Variants in PRORP observed in about 807,000 individuals in gnomAD.
The protein encoded by PRORP is mitochondrial ribonuclease P catalytic subunit.
Under a neutral mutation model 59.4 loss-of-function variants are expected in PRORP, and 51 were observed. The ratio of observed to expected loss-of-function variants is 0.86; its 90% CI spans 0.69 to 1.08. The LOEUF (loss-of-function observed/expected upper bound fraction) is 1.08, where lower values mean the gene tolerates loss of function less well. Among genes scored for constraint, PRORP ranks in the 50% least tolerant of loss-of-function variants. PRORP has a pLI of 0.00. For synonymous variants in PRORP, 231 were observed against 245.6 expected, an observed-to-expected ratio of 0.94 and a Z score of 0.55; for missense variants, 646 against 690.3, an observed-to-expected ratio of 0.94 and a Z score of 0.72.
chr14:35,172,572 TGA>T (rs2139001593), intron 4 of PRORP, among the ~76,000 whole-genome samples: 1 of 143,254 alleles, frequency 7.0e-6, no homozygotes, highest in South Asian at 2.3e-4. Context: ...CTTTCTTTTC[TGA>T]GAGTCTCGTT....
At chr14:35,241,725 T>C (rs553220702) in intron 5 of PRORP, among the ~76,000 whole-genome samples, 2 of 152,244 alleles carry the variant, frequency 1.3e-5, no homozygotes, top group Admixed American at 6.5e-5. Context: ...GACTCACCTC[T>C]CCTCAGCTTT....
At chr14:35,195,491 G>A (rs1595284799) in intron 5 of PRORP, among the ~76,000 whole-genome samples, 2 of 152,134 alleles carry the variant, frequency 1.3e-5, no homozygotes, top group East Asian at 3.9e-4. Context: ...AAAAAGCCTG[G>A]AAGTAGAAAT....
chr14:35,199,131 G>A (rs1009657967), intron 5 of PRORP, among the ~76,000 whole-genome samples: 4 of 151,852 alleles, frequency 2.6e-5, no homozygotes, highest in African/African-American at 9.7e-5. Context: ...TCGTGCCATT[G>A]CACTCCAGCC....
chr14:35,212,018 C>T (rs553420988), intron 5 of PRORP, among the ~76,000 whole-genome samples: 4 of 152,294 alleles, frequency 2.6e-5, no homozygotes, highest in South Asian at 2.1e-4. Flanking sequence ...ATTTCAACAA[C>T]GTTCACAGCA....
intron 5 of PRORP, among the ~76,000 whole-genome samples, chr14:35,186,404 T>C (rs4982245): frequency 0.059 from 8,933 of 151,796 alleles, 477 homozygotes; most frequent in Admixed American, 0.17. Flanking sequence ...TTCACCCTTT[T>C]AAAGTGCACA....
chr14:35,235,328 G>A (rs1306861479), intron 5 of PRORP: 6 of 698,476 alleles, frequency 8.6e-6, no homozygotes, highest in Admixed American at 1.8e-5. Context: ...CACCAGCTTA[G>A]CCAAAGTGTC....
intron 5 of PRORP, among the ~76,000 whole-genome samples, chr14:35,199,589 G>A (rs2049097461): frequency 6.6e-6 from 1 of 152,102 alleles, no homozygotes; most frequent in African/African-American, 2.4e-5. Context: ...TGTTCAAGGT[G>A]CCATCTTGGA....
chr14:35,150,103 C>T (rs1285922190), intron 4 of PRORP, among the ~76,000 whole-genome samples: 3 of 152,214 alleles, frequency 2.0e-5, no homozygotes, highest in Admixed American at 6.5e-5. Context: ...GCCTCGGCCT[C>T]CCAAAATGTT....
In PRORP at chr14:35,143,750, C is replaced by T. The variant is rs190829042; in HGVS notation, c.1167+16139C>T. The stretch of plus-strand genomic sequence containing the variant: ...GCAACCTCCGCCTCCGAGGTTCAAG[C>T]GATTCTCCTGCCTCAGCCTTCCCAA... On this transcript the variant is annotated intron_variant, in intron 4 of 7. Transcript: ENST00000534898. 1.4e-5 allele frequency among the ~76,000 whole-genome samples: 2 copies of T among 145,004 alleles called. 1 individual carries two copies. The highest frequency in any genetic ancestry group is 4.7e-4 in the East Asian group (2 of 4,278).
At chr14:35,229,277 T>G (rs1274098177) in intron 5 of PRORP, among the ~76,000 whole-genome samples, 2 of 152,222 alleles carry the variant, frequency 1.3e-5, no homozygotes, top group East Asian at 3.8e-4. Context: ...TCTTTTGTTG[T>G]GCAGAAGCTC....
At chr14:35,217,891 T>G (rs552220106) in intron 5 of PRORP, among the ~76,000 whole-genome samples, 3 of 152,286 alleles carry the variant, frequency 2.0e-5, no homozygotes, top group African/African-American at 7.2e-5. Flanking sequence ...CCTCCAATTT[T>G]GTTCCTTTTC....
chr14:35,207,296 C>G (rs1205593553), intron 5 of PRORP, among the ~76,000 whole-genome samples: 2 of 152,132 alleles, frequency 1.3e-5, no homozygotes, highest in African/African-American at 4.8e-5. Flanking sequence ...ATAAAAAGAC[C>G]TTACAATTCT....
rs1044950652 is a variant in PRORP, at chr14:35,123,320, G to T, written c.75G>T (p.Gly25=). The change falls in exon 2 of 8, where the codon GGG becomes GGT. Residue 25 remains glycine, a synonymous_variant. Transcript: ENST00000534898. ...WKSPYLGLGP[G]HSYVSLFLAD... ...GCCCATACCTTGGGCTAGGCCCAGG[G>T]CACTCTTATGTCTCGCTGTTTCTGG... 4 of 1,613,760 alleles carry T rather than the reference G, an allele frequency of 2.5e-6. No homozygotes were observed. The highest frequency in any genetic ancestry group is 2.2e-5 in the East Asian group (1 of 44,894).
chr14:35,233,695 A>G (rs563245113), intron 5 of PRORP, among the ~76,000 whole-genome samples: 3 of 151,976 alleles, frequency 2.0e-5, no homozygotes, highest in Non-Finnish European at 4.4e-5. Context: ...GTAGTTCTCT[A>G]ATTTTTTTCG....
At chr14:35,212,090 C>G (rs1034374358) in intron 5 of PRORP, among the ~76,000 whole-genome samples, 3 of 152,204 alleles carry the variant, frequency 2.0e-5, no homozygotes, top group Admixed American at 2.0e-4. Flanking sequence ...TTCTCCATAA[C>G]AAGCAACTCC....
chr14:35,185,115 G>T (rs550709089), intron 5 of PRORP, among the ~76,000 whole-genome samples: 1 of 152,060 alleles, frequency 6.6e-6, no homozygotes, highest in African/African-American at 2.4e-5. Context: ...TTCCACAATG[G>T]TTAAACTCAT....
At chr14:35,143,815 A>ATTT (rs1402726853) in intron 4 of PRORP, among the ~76,000 whole-genome samples, 2 of 143,930 alleles carry the variant, frequency 1.4e-5, no homozygotes, top group Non-Finnish European at 3.1e-5. Context: ...AGCCTGGCTA[A>ATTT]TTTTGTATTT....
At position 35,277,487 on chromosome 14, in the gene PRORP, G is replaced by C. The variant is rs1489979497; in HGVS notation, c.*3921G>C. The C allele has an allele frequency of 6.6e-6, 1 of 152,186 alleles. No individual in the cohort carries two copies. Among genetic ancestry groups the C allele is most frequent in the Non-Finnish European group, 1.5e-5 (1 of 68,046 alleles). 9.4% of individuals were successfully genotyped at this position (152,186 alleles called of 1,614,324 possible). A position where few individuals can be genotyped will look rare whatever the true frequency, so the allele number is the denominator to read the frequency against. On this transcript the variant is annotated 3_prime_UTR_variant, in exon 8 of 8. Coordinates refer to ENST00000534898, the MANE Select transcript of PRORP (RefSeq NM_014672.4). Reference sequence around the variant, plus strand: ...CTGGCCAGTGACAAGCAGTCTGCTTGAGTCTGTGCTAAATAAACAAAGGAA... The same window carrying C: ...CTGGCCAGTGACAAGCAGTCTGCTTCAGTCTGTGCTAAATAAACAAAGGAA...
chr14:35,222,340 A>G (rs1026119598), intron 5 of PRORP: 5 of 152,234 alleles, frequency 3.3e-5, no homozygotes, highest in African/African-American at 1.2e-4. Flanking sequence ...CATCTCTCCA[A>G]CAGTACTACA....
Sources: allele counts gnomAD v4.1 joint callset (sites outside exome capture counted in the v4.1 genomes callset), GRCh38; gene constraint gnomAD v4.1.1; transcripts MANE v1.5; gene names NCBI Gene and HGNC (gene_info 2026-07-23, HGNC 2026-07-21).